Variants in PPP1R21 observed in about 807,000 individuals in gnomAD.
PPP1R21 encodes the protein KLRAQ motif containing 1.
PPP1R21 carries 85 observed loss-of-function variants against 112.8 expected under a neutral mutation model. The observed-to-expected ratio is 0.75, with a 90% confidence interval of 0.63 to 0.90. PPP1R21 has a LOEUF of 0.90. PPP1R21 is among the 40% of genes least tolerant of loss of function. The pLI, the probability that PPP1R21 is intolerant of heterozygous loss-of-function variation, is 0.00. For missense variants in PPP1R21, 1,199 were observed against 901.5 expected (o/e 1.33, Z -4.23); for synonymous variants, 381 against 322.3 (o/e 1.18, Z -1.95).
intron 7 of PPP1R21, among the ~76,000 whole-genome samples, chr2:48,461,727 A>G (rs1667986473): frequency 6.6e-6 from 1 of 152,244 alleles, no homozygotes. Context: ...AAGTTAAAAA[A>G]TACTACTTTA....
At chr2:48,459,459 C>T (rs1667882639) in intron 4 of PPP1R21, among the ~76,000 whole-genome samples, 2 of 152,144 alleles carry the variant, frequency 1.3e-5, no homozygotes, top group African/African-American at 4.8e-5. Context: ...GTAGGAGGTG[C>T]AGGCTTTGGA....
At chr2:48,492,212 A>G (rs1401592130) in intron 15 of PPP1R21, among the ~76,000 whole-genome samples, 2 of 152,204 alleles carry the variant, frequency 1.3e-5, no homozygotes, top group Non-Finnish European at 2.9e-5. Flanking sequence ...TCCTCTCTAG[A>G]GGTAACCATA....
At chr2:48,501,613 G>T (rs934801171) in intron 17 of PPP1R21, among the ~76,000 whole-genome samples, 8 of 152,136 alleles carry the variant, frequency 5.3e-5, no homozygotes, top group African/African-American at 1.7e-4. Flanking sequence ...AGATGGCCTT[G>T]TGTCTGATCC....
chr2:48,464,953 C>T lies in PPP1R21; in HGVS notation c.711C>T (p.Asn237=), dbSNP rs140345835. ...CTTCTGTAGAATATAGTCAGTACAACGCTCTGAACGTTCCACTCCACAATA... is the reference window on the plus strand; with the variant it reads ...CTTCTGTAGAATATAGTCAGTACAATGCTCTGAACGTTCCACTCCACAATA... ...PFNDTKYSQY[N]ALNVPLHNRR... Residue 237 remains asparagine, a synonymous_variant, in exon 8 of 22, where the codon AAC becomes AAT. Transcript: ENST00000294952. 43 of 1,560,008 alleles carry T rather than the reference C, an allele frequency of 2.8e-5. No individual in the cohort carries two copies. The highest frequency in any genetic ancestry group is 1.2e-4 in the East Asian group (5 of 41,848).
At chr2:48,475,856 A>T (rs1399252173) in intron 12 of PPP1R21, among the ~76,000 whole-genome samples, 4 of 152,162 alleles carry the variant, frequency 2.6e-5, no homozygotes, top group Non-Finnish European at 5.9e-5. Context: ...AAAAAAAAAA[A>T]AGTATTTTTG....
Position 48,454,737 on chromosome 2 carries a change from A to C in PPP1R21, c.269A>C (p.Asn90Thr). 6.2e-7 allele frequency: 1 copy of C among 1,613,602 alleles called. No individual in the cohort carries two copies. Among genetic ancestry groups the C allele is most frequent in the Non-Finnish European group, 8.5e-7 (1 of 1,179,490 alleles). ...CTAAGTGAACCACGAGGCAAGAAAA[A>C]CAAGGTAGGTTCAAATACAGGCAAG... ...LALSEPRGKK[N>T]KKSGESSSQL... The change falls in exon 3 of 22, where the codon AAC (asparagine) becomes ACC (threonine). Residue 90 changes from asparagine (N) to threonine (T), a missense_variant. Transcript: ENST00000294952.
chr2:48,505,435 A>G (rs1670330180), intron 17 of PPP1R21, 129 bp from the exon 18 acceptor site: 1 of 709,930 alleles, frequency 1.4e-6, no homozygotes, highest in African/African-American at 1.8e-5. Flanking sequence ...AGACAGTCCA[A>G]GGATGATCTT....
intron 12 of PPP1R21, among the ~76,000 whole-genome samples, chr2:48,476,796 CTGTT>C (rs1313364957): frequency 6.6e-6 from 1 of 151,968 alleles, no homozygotes; most frequent in Non-Finnish European, 1.5e-5. Flanking sequence ...GTTAGGTTGT[CTGTT>C]TATTATTGAG....
At chr2:48,490,428 G>T (rs1041144285) in intron 14 of PPP1R21, among the ~76,000 whole-genome samples, 3 of 152,106 alleles carry the variant, frequency 2.0e-5, no homozygotes, top group Non-Finnish European at 4.4e-5. Context: ...AAATGCCACA[G>T]ATTCAAAATC....
intron 12 of PPP1R21, among the ~76,000 whole-genome samples, chr2:48,477,487 C>G (rs998529719): frequency 1.3e-5 from 2 of 152,244 alleles, no homozygotes; most frequent in East Asian, 3.9e-4. Flanking sequence ...GCTGAAAAGC[C>G]TATTCTTTCC....
At position 48,469,535 on chromosome 2, in the gene PPP1R21, T is replaced by TATATAGAGAGAGAG. The variant is rs1553339307; in HGVS notation, c.898-1551_898-1550insTATAGAGAGAGAGA. Among the ~76,000 whole-genome samples the TATATAGAGAGAGAG allele has an allele frequency of 2.8e-3, 204 of 73,220 alleles. 38 individuals are homozygous for TATATAGAGAGAGAG. The highest frequency in any genetic ancestry group is 5.2e-3 in the South Asian group (11 of 2,124). The allele number at this position is 73,220 out of a possible 152,430, so 48.0% of individuals were successfully genotyped here. A position where few individuals can be genotyped will look rare whatever the true frequency, so the allele number is the denominator to read the frequency against. ...ATATATATATATATATATATATATA[T>TATATAGAGAGAGAG]AGAGCATATATATATATAGAGAGAG... On this transcript the variant is annotated intron_variant, in intron 9 of 21. Transcript: ENST00000294952.
chr2:48,510,264 T>A lies in PPP1R21; in HGVS notation c.2184+151T>A, dbSNP rs1342517235. ...TCTGATTCATTTAAAAATAACATCTTACTTATGTTAGGCAAAAAGTAGTTG... is the reference window on the plus strand; with the variant it reads ...TCTGATTCATTTAAAAATAACATCTAACTTATGTTAGGCAAAAAGTAGTTG... On this transcript the variant is annotated intron_variant, in intron 20 of 21. Coordinates refer to ENST00000294952, the MANE Select transcript of PPP1R21 (RefSeq NM_001135629.3). 6 of 553,984 alleles carry A rather than the reference T, an allele frequency of 1.1e-5. No homozygotes were observed. The Admixed American group carries it at 1.9e-4, about 18-fold the overall frequency. The allele number at this position is 553,984 out of a possible 1,614,324, so 34.3% of individuals were successfully genotyped here.
chr2:48,485,550 T>G (rs1204690965), intron 13 of PPP1R21, among the ~76,000 whole-genome samples: 1 of 152,052 alleles, frequency 6.6e-6, no homozygotes, highest in Non-Finnish European at 1.5e-5. Context: ...CTATCCTAAA[T>G]CAAAGACGTA....
At chr2:48,471,835 G>A (rs1246339166) in intron 11 of PPP1R21, among the ~76,000 whole-genome samples, 2 of 152,026 alleles carry the variant, frequency 1.3e-5, no homozygotes, top group Non-Finnish European at 2.9e-5. Flanking sequence ...AAAATAATAC[G>A]TATTATTAGA....
chr2:48,456,817 C>T (rs960696939), intron 3 of PPP1R21, among the ~76,000 whole-genome samples: 3 of 152,138 alleles, frequency 2.0e-5, no homozygotes, highest in African/African-American at 7.2e-5. Flanking sequence ...CTTTGGGAGG[C>T]CGAGGCGGGC....
At chr2:48,474,503 A>G (rs1281537497) in intron 11 of PPP1R21, among the ~76,000 whole-genome samples, 180 bp from the exon 12 acceptor site, 1 of 152,186 alleles carries the variant, frequency 6.6e-6, no homozygotes, top group Non-Finnish European at 1.5e-5. Context: ...TTCCATTGGT[A>G]TTTGCAGCAA....
chr2:48,508,185 G>T (rs1670476685), intron 19 of PPP1R21, among the ~76,000 whole-genome samples: 2 of 152,136 alleles, frequency 1.3e-5, no homozygotes, highest in Admixed American at 1.3e-4. Flanking sequence ...ATACCAAGGA[G>T]TAGGAAACAA....
intron 12 of PPP1R21, among the ~76,000 whole-genome samples, chr2:48,478,035 C>T (rs546076329): frequency 1.6e-4 from 25 of 152,196 alleles, no homozygotes; most frequent in South Asian, 4.1e-4. Flanking sequence ...GACAGAGATA[C>T]AAGGGGGAAG....
chr2:48,458,153 A>C lies in PPP1R21; in HGVS notation c.301A>C (p.Ser101Arg), dbSNP rs755106578. The C allele has an allele frequency of 3.7e-6, 6 of 1,611,688 alleles. No individual in the cohort carries two copies. The South Asian group carries it at 5.5e-5, about 15-fold the overall frequency. ...KKSGESSSQLSQEQKSVFDED... is the reference protein window; with the variant it reads ...KKSGESSSQLRQEQKSVFDED... ...AAGTGGAGAATCTTCTTCTCAGTTGAGTCAAGAGCAGAAGAGTGTCTTTGA... is the reference window on the plus strand; with the variant it reads ...AAGTGGAGAATCTTCTTCTCAGTTGCGTCAAGAGCAGAAGAGTGTCTTTGA... Residue 101 changes from serine to arginine, a missense_variant, in exon 4 of 22, where the codon AGT becomes CGT. Transcript: ENST00000294952.
Sources: gnomAD v4.1 joint callset for allele counts (sites outside exome capture counted in the v4.1 genomes callset) on GRCh38, gnomAD v4.1.1 for gene constraint, MANE v1.5 for transcripts, NCBI Gene and HGNC (gene_info 2026-07-23, HGNC 2026-07-21) for gene names.